The following VPS13D variants were observed in gnomAD, a reference collection of about 807,000 sequenced individuals.
VPS13D encodes the protein vacuolar protein sorting 13 homolog D, also known as intermembrane lipid transfer protein VPS13D.
VPS13D carries 187 observed loss-of-function variants against 461.9 expected under a neutral mutation model. The observed-to-expected ratio is 0.40, with a 90% confidence interval of 0.36 to 0.46. VPS13D has a LOEUF of 0.46. VPS13D is among the 20% of genes least tolerant of loss of function. The probability of loss-of-function intolerance (pLI) is 0.60; values close to 1 mark genes in which losing one functional copy is unlikely to be tolerated. For synonymous variants in VPS13D, 1,951 were observed against 1,986.3 expected, an observed-to-expected ratio of 0.98 and a Z score of 0.47; for missense variants, 4,711 against 5,364.9, an observed-to-expected ratio of 0.88 and a Z score of 3.81.
In VPS13D at chr1:12,283,111, C is replaced by G. The variant is rs757949853; in HGVS notation, c.5009C>G (p.Ser1670Cys). The change falls in exon 21 of 70, where the codon TCT becomes TGT. Residue 1670 changes from serine (S) to cysteine (C), a missense_variant. Coordinates refer to ENST00000620676, the MANE Select transcript of VPS13D (RefSeq NM_015378.4). ...TTATCTATTCAGATTGCCCTGCATT[C>G]TCTGCTGATGGAGGACTTATTGGAG... ...QTLSIQIALH[S>C]LLMEDLLEKN... 50 of 1,614,042 alleles carry G rather than the reference C, an allele frequency of 3.1e-5. No homozygotes were observed. Among genetic ancestry groups the G allele is most frequent in the African/African-American group, 4.0e-5 (3 of 74,908 alleles).
chr1:12,486,612 G>A (rs978688547), intron 67 of VPS13D, among the ~76,000 whole-genome samples: 1 of 152,218 alleles, frequency 6.6e-6, no homozygotes, highest in Admixed American at 6.5e-5. Context: ...GGGTGAACGT[G>A]ACCCAGGTCG....
At chr1:12,257,695 A>G (rs1640963519) in intron 9 of VPS13D, among the ~76,000 whole-genome samples, 1 of 152,180 alleles carries the variant, frequency 6.6e-6, no homozygotes, top group South Asian at 2.1e-4. Flanking sequence ...TATAATTCAA[A>G]CCAATTGAGA....
chr1:12,261,364 G>A (rs1237728450), intron 12 of VPS13D, among the ~76,000 whole-genome samples: 8 of 152,242 alleles, frequency 5.3e-5, no homozygotes, highest in Admixed American at 5.2e-4. Context: ...CTGAGAGGCA[G>A]AGCGTGTAAA....
chr1:12,485,055 G>C (rs1273169111), intron 67 of VPS13D, among the ~76,000 whole-genome samples: 1 of 152,168 alleles, frequency 6.6e-6, no homozygotes, highest in East Asian at 1.9e-4. Flanking sequence ...GCATGGCATA[G>C]CAACTCTCAC....
intron 1 of VPS13D, among the ~76,000 whole-genome samples, chr1:12,231,381 G>A (rs765515484): frequency 2.0e-5 from 3 of 152,220 alleles, no homozygotes; most frequent in Non-Finnish European, 2.9e-5. Flanking sequence ...TTTCTGGTTT[G>A]GGCCTCAATG....
At chr1:12,272,717 A>C (rs1270093081) in intron 17 of VPS13D, among the ~76,000 whole-genome samples, 1 of 152,218 alleles carries the variant, frequency 6.6e-6, no homozygotes, top group Non-Finnish European at 1.5e-5. Flanking sequence ...ATAATCCTTT[A>C]AAGTATTAAA....
chr1:12,285,929 C>CTTCCTTTCCTTTCCTTTCCTTTCCT (rs57335089), intron 21 of VPS13D, among the ~76,000 whole-genome samples: 6 of 104,204 alleles, frequency 5.8e-5, no homozygotes, highest in East Asian at 3.3e-4. Flanking sequence ...GAATTTCTTT[C>CTTCCTTTCCTTTCCTTTCCTTTCCT]TTCCTTTCCT....
chr1:12,484,519 A>G (rs1414788191), intron 67 of VPS13D, among the ~76,000 whole-genome samples: 2 of 152,268 alleles, frequency 1.3e-5, no homozygotes, highest in African/African-American at 4.8e-5. Flanking sequence ...CAAGAGAGTC[A>G]GAAAGACCCA....
intron 65 of VPS13D, among the ~76,000 whole-genome samples, chr1:12,420,451 T>C (rs6660365): frequency 0.19 from 29,429 of 152,196 alleles, 4,946 homozygotes; most frequent in African/African-American, 0.45. Context: ...CTGCACCTCA[T>C]TGAGCCCCTG....
rs1160593876 is a variant in VPS13D, at chr1:12,277,068, T to A, written c.3480T>A (p.Tyr1160Ter). The change falls in exon 19 of 70, where the codon TAT becomes TAA. Residue 1160 changes from tyrosine (Y) to a stop codon, truncating the protein, a stop_gained. Coordinates refer to ENST00000620676, the MANE Select transcript of VPS13D (RefSeq NM_015378.4). LOFTEE classifies it high-confidence loss of function. ...AACAAGGAACTTACCAGTCTACATA[T>A]GAACAAAACACTGAGGTTGCAGTGG... ...FREQGTYQST[Y>*]EQNTEVAVEI... is the part of the protein sequence containing the mutation. 6.2e-7 allele frequency: 1 copy of A among 1,614,160 alleles called. No homozygotes were observed.
chr1:12,272,585 T>G (rs1212931980), intron 17 of VPS13D, among the ~76,000 whole-genome samples: 1 of 152,170 alleles, frequency 6.6e-6, no homozygotes, highest in African/African-American at 2.4e-5. Flanking sequence ...TTATTTATAT[T>G]TCAAATGTCA....
chr1:12,372,840 A>G (rs1247398009), intron 54 of VPS13D, among the ~76,000 whole-genome samples: 3 of 151,146 alleles, frequency 2.0e-5, no homozygotes, highest in Non-Finnish European at 4.4e-5. Context: ...GTTAATAGAA[A>G]GAGGAGAATA....
chr1:12,319,456 C>T (rs199825770), intron 31 of VPS13D, 41 bp from the exon 32 acceptor site: 4 of 1,608,792 alleles, frequency 2.5e-6, no homozygotes, highest in Non-Finnish European at 3.4e-6. Context: ...TGTTTTCCAG[C>T]TTCCCAGCTC....
intron 64 of VPS13D, among the ~76,000 whole-genome samples, chr1:12,415,600 A>C (rs1323710925): frequency 6.6e-6 from 1 of 152,080 alleles, no homozygotes; most frequent in East Asian, 1.9e-4. Flanking sequence ...TTTGGGTTGA[A>C]CTTGAAATTT....
intron 67 of VPS13D, 109 bp downstream of exon 67, chr1:12,460,505 T>A: frequency 9.7e-7 from 1 of 1,029,218 alleles, no homozygotes; most frequent in South Asian, 3.7e-5. Context: ...ATAGGGTTTT[T>A]AATTCAAATA....
intron 23 of VPS13D, among the ~76,000 whole-genome samples, chr1:12,291,524 G>A (rs972209188): frequency 2.0e-5 from 3 of 152,224 alleles, no homozygotes; most frequent in Non-Finnish European, 4.4e-5. Flanking sequence ...TTGAGAGGCT[G>A]AGGTGGGAGG....
chr1:12,483,765 C>T (rs888849405), intron 67 of VPS13D, among the ~76,000 whole-genome samples: 2 of 151,446 alleles, frequency 1.3e-5, no homozygotes, highest in African/African-American at 2.4e-5. Flanking sequence ...TTTGGGAGGC[C>T]GAGGTGGGCG....
At position 12,244,349 on chromosome 1, in the gene VPS13D, A is replaced by G. The variant is rs1169999915; in HGVS notation, c.279A>G (p.Lys93=). 6.2e-7 allele frequency: 1 copy of G among 1,614,184 alleles called. No homozygotes were observed. The highest frequency in any genetic ancestry group is 8.5e-7 in the Non-Finnish European group (1 of 1,180,036). The part of the protein sequence containing the change: ...SSLHLIGAPE[K]IQDFNDEKEK... ...TTCACTTAATTGGAGCCCCAGAGAA[A>G]ATACAGGATTTCAATGATGAAAAGG... The change falls in exon 4 of 70, where the codon AAA becomes AAG. Residue 93 remains lysine, a synonymous_variant. Coordinates refer to ENST00000620676, the MANE Select transcript of VPS13D (RefSeq NM_015378.4).
intron 63 of VPS13D, among the ~76,000 whole-genome samples, chr1:12,408,711 G>A (rs537139005): frequency 6.6e-6 from 1 of 152,270 alleles, no homozygotes; most frequent in Admixed American, 6.5e-5. Flanking sequence ...AAATTACTTA[G>A]CAGGAGGTTA....
Sources: gnomAD v4.1 joint callset for allele counts (sites outside exome capture counted in the v4.1 genomes callset) on GRCh38, gnomAD v4.1.1 for gene constraint, MANE v1.5 for transcripts, NCBI Gene and HGNC (gene_info 2026-07-23, HGNC 2026-07-21) for gene names.